The following ASAP1 variants were observed in gnomAD, a reference collection of about 807,000 sequenced individuals.
ASAP1 encodes the protein ArfGAP with SH3 domain, ankyrin repeat and PH domain 1.
In ASAP1, 43 loss-of-function variants were observed where a neutral mutation model predicts 145.2. That is an observed-to-expected ratio of 0.30 (90% CI 0.23 to 0.38). ASAP1 has a LOEUF of 0.38. Ranked by LOEUF, ASAP1 falls within the 10% of genes least tolerant of loss-of-function variation. ASAP1 has a pLI of 1.00. For missense variants in ASAP1, 1,018 were observed against 1,355.3 expected (o/e 0.75, Z 3.91); for synonymous variants, 546 against 515.5 (o/e 1.06, Z -0.80).
At chr8:130,095,320 A>AGACG (rs1257491945) in intron 24 of ASAP1, among the ~76,000 whole-genome samples, 1 of 74,212 alleles carries the variant, frequency 1.3e-5, no homozygotes, top group African/African-American at 5.9e-5. Context: ...TTTTTTTTTG[A>AGACG]GACGCAGTTT....
chr8:130,350,428 G>A (rs1178327712), intron 3 of ASAP1, among the ~76,000 whole-genome samples: 2 of 152,182 alleles, frequency 1.3e-5, no homozygotes, highest in Non-Finnish European at 2.9e-5. Context: ...CATCATTCAT[G>A]AGGTTCCTCC....
At chr8:130,167,370 G>A in intron 11 of ASAP1, 166 bp downstream of exon 11, 1 of 767,036 alleles carries the variant, frequency 1.3e-6, no homozygotes, top group Non-Finnish European at 2.4e-6. Flanking sequence ...TTTCCTATAA[G>A]CAAGGAAAAG....
At chr8:130,105,949 G>T (rs2097536237) in intron 24 of ASAP1, among the ~76,000 whole-genome samples, 1 of 152,176 alleles carries the variant, frequency 6.6e-6, no homozygotes, top group African/African-American at 2.4e-5. Flanking sequence ...ACTTAGGGCT[G>T]ATTCTTTAAC....
chr8:130,432,323 G>A (rs1042907527), intron 1 of ASAP1, among the ~76,000 whole-genome samples: 16 of 152,070 alleles, frequency 1.1e-4, no homozygotes, highest in Non-Finnish European at 2.9e-5. Flanking sequence ...TAATAAGTTG[G>A]GTTTTTGGCA....
chr8:130,358,193 CAGGCTCCCGGGGCCGCGGGCCGCCCGG>C lies in ASAP1; in HGVS notation c.60-77_60-51del. On this transcript the variant is annotated intron_variant, in intron 2 of 29. Transcript: ENST00000518721. The surrounding 1 kb of genome is among the most constrained non-coding windows in gnomAD (Gnocchi z 4.1). ...CGGGGGCGGGGGGTGAGTCACGGCG[CAGGCTCCCGGGGCCGCGGGCCGCCCGG>C]AGGCTCATGAACCCCGGCGCGCAGC... The C allele has an allele frequency of 1.3e-6, 2 of 1,537,232 alleles. No homozygotes were observed. The highest frequency in any genetic ancestry group is 1.8e-6 in the Non-Finnish European group (2 of 1,141,116).
At position 130,227,187 on chromosome 8, in the gene ASAP1, G is replaced by T. The variant is rs373862065; in HGVS notation, c.259+9735C>A. 8.3e-4 allele frequency among the ~76,000 whole-genome samples: 126 copies of T among 152,222 alleles called. 1 individual carries two copies. In the South Asian group the frequency reaches 0.026, roughly 32 times the overall value. On this transcript the variant is annotated intron_variant, in intron 4 of 29. Coordinates refer to ENST00000518721, the MANE Select transcript of ASAP1 (RefSeq NM_018482.4). Reference sequence around the variant, plus strand: ...GATAATAAAACCTCATTGGGTTCTTGTTCTGCTAATGAGGTGGTAGCCTAC... The same window carrying T: ...GATAATAAAACCTCATTGGGTTCTTTTTCTGCTAATGAGGTGGTAGCCTAC...
rs767063471 is a variant in ASAP1 at position 130,093,686 on chromosome 8, A to AAAAAAAAAAAAAAAAAAAAAAAAAAAAG, written c.2402-1544_2402-1543insCTTTTTTTTTTTTTTTTTTTTTTTTTTT. ...CGTCTCAAAAAAAAAAAAAAAAAAA[A>AAAAAAAAAAAAAAAAAAAAAAAAAAAAG]AAAGAAAGCTAAGAACACTGCCACA... On this transcript the variant is annotated intron_variant, in intron 24 of 29. Coordinates refer to ENST00000518721, the MANE Select transcript of ASAP1 (RefSeq NM_018482.4). Among the ~76,000 whole-genome samples, 15 of 131,986 alleles carry AAAAAAAAAAAAAAAAAAAAAAAAAAAAG rather than the reference A, an allele frequency of 1.1e-4. 1 individual carries two copies. Among genetic ancestry groups the AAAAAAAAAAAAAAAAAAAAAAAAAAAAG allele is most frequent in the African/African-American group, 4.6e-4 (14 of 30,552 alleles). The allele number at this position is 131,986 out of a possible 152,430, so 86.6% of individuals were successfully genotyped here.
intron 4 of ASAP1, among the ~76,000 whole-genome samples, chr8:130,218,000 T>C (rs1361884859): frequency 6.6e-6 from 1 of 152,136 alleles, no homozygotes; most frequent in East Asian, 1.9e-4. Context: ...GTTGTCAGCA[T>C]CTCAGGCTGA....
chr8:130,277,323 C>T lies in ASAP1; in HGVS notation c.187-40329G>A, dbSNP rs145451278. ...TGGTAACGAGGACAACGGCTATAGG[C>T]AACAGGAGAAAAACACCAATAACTA... On this transcript the variant is annotated intron_variant, in intron 3 of 29. Transcript: ENST00000518721. 3.7e-3 allele frequency among the ~76,000 whole-genome samples: 559 copies of T among 152,172 alleles called. 6 individuals are homozygous for T. The highest frequency in any genetic ancestry group is 0.01 in the Middle Eastern group (3 of 294).
At chr8:130,147,198 C>CAAAAA (rs559149769) in intron 13 of ASAP1, among the ~76,000 whole-genome samples, 1 of 63,338 alleles carries the variant, frequency 1.6e-5, no homozygotes, top group South Asian at 8.4e-4. Context: ...AATGCAGTCT[C>CAAAAA]AAAAAAAAAA....
intron 3 of ASAP1, among the ~76,000 whole-genome samples, chr8:130,331,880 A>C (rs1309707907): frequency 6.6e-6 from 1 of 152,198 alleles, no homozygotes; most frequent in Non-Finnish European, 1.5e-5. Flanking sequence ...AAATGGGGAA[A>C]CTGAGGCCCA....
chr8:130,188,854 A>G (rs1393582622), intron 5 of ASAP1, among the ~76,000 whole-genome samples: 1 of 152,072 alleles, frequency 6.6e-6, no homozygotes, highest in African/African-American at 2.4e-5. Context: ...AAATCATTTT[A>G]GCACTTCCAT....
intron 4 of ASAP1, among the ~76,000 whole-genome samples, chr8:130,217,735 C>T (rs912272802): frequency 6.6e-6 from 1 of 152,126 alleles, no homozygotes; most frequent in African/African-American, 2.4e-5. Flanking sequence ...ATTTAAGAAG[C>T]ATCCCTTTCT....
Position 130,052,359 on chromosome 8 carries a change from C to T in ASAP1, c.*2372G>A, listed in dbSNP as rs1479929512. The T allele has an allele frequency of 1.3e-5, 2 of 152,458 alleles. No homozygotes were observed. The highest frequency in any genetic ancestry group is 2.1e-4 in the South Asian group (1 of 4,826). The allele number at this position is 152,458 out of a possible 1,614,324, so 9.4% of individuals were successfully genotyped here. A position where few individuals can be genotyped will look rare whatever the true frequency, so the allele number is the denominator to read the frequency against. ...TGCTGTTCAACAGTAAAATAAGACA[C>T]ACACTATTTGCAGAACATAACTTTC... On this transcript the variant is annotated 3_prime_UTR_variant, in exon 30 of 30. Coordinates refer to ENST00000518721, the MANE Select transcript of ASAP1 (RefSeq NM_018482.4).
intron 1 of ASAP1, among the ~76,000 whole-genome samples, chr8:130,423,350 G>C (rs970164825): frequency 2.0e-5 from 3 of 152,218 alleles, no homozygotes; most frequent in Non-Finnish European, 4.4e-5. Flanking sequence ...GGGCGGGCAA[G>C]AAATGTATAC....
intron 3 of ASAP1, among the ~76,000 whole-genome samples, chr8:130,317,795 G>A (rs1823756362): frequency 6.6e-6 from 1 of 152,206 alleles, no homozygotes; most frequent in African/African-American, 2.4e-5. Context: ...CTTTGTGGCT[G>A]AAGTGATGAA....
intron 1 of ASAP1, among the ~76,000 whole-genome samples, chr8:130,415,441 C>G (rs1829435156): frequency 6.6e-6 from 1 of 152,142 alleles, no homozygotes; most frequent in African/African-American, 2.4e-5. Flanking sequence ...GCACTCCAGT[C>G]TGGGCAACAC....
intron 13 of ASAP1, among the ~76,000 whole-genome samples, chr8:130,140,615 C>G (rs2097608307): frequency 6.6e-6 from 1 of 152,194 alleles, no homozygotes. Context: ...GATTGACCCA[C>G]AACTTCAGTG....
At chr8:130,120,902 A>G (rs1343745946) in intron 18 of ASAP1, among the ~76,000 whole-genome samples, 1 of 152,198 alleles carries the variant, frequency 6.6e-6, no homozygotes, top group East Asian at 1.9e-4. Context: ...TTGTCTGGAA[A>G]TCTGGACACT....
Sources: gnomAD v4.1 joint callset for allele counts (sites outside exome capture counted in the v4.1 genomes callset) on GRCh38, gnomAD v4.1.1 for gene constraint, Gnocchi (gnomAD v3.1) non-coding constraint, MANE v1.5 for transcripts, NCBI Gene and HGNC (gene_info 2026-07-23, HGNC 2026-07-21) for gene names.